Variants in ERCC5 observed in about 807,000 individuals in gnomAD.
ERCC5 encodes DNA excision repair protein ERCC-5.
ERCC5 carries 68 observed loss-of-function variants against 105.6 expected under a neutral mutation model. The ratio of observed to expected loss-of-function variants is 0.64; its 90% CI spans 0.53 to 0.79. ERCC5 has a LOEUF of 0.79. ERCC5 is among the 30% of genes least tolerant of loss of function. ERCC5 has a pLI of 0.00. For missense variants in ERCC5, 1,373 were observed against 1,426.7 expected (o/e 0.96, Z 0.61); for synonymous variants, 546 against 526.2 (o/e 1.04, Z -0.51).
In ERCC5 at chr13:102,853,722, C is replaced by G. The variant is rs368957207; in HGVS notation, c.265-35C>G. The G allele has an allele frequency of 3.1e-6, 5 of 1,596,970 alleles. No individual in the cohort carries two copies. The African/African-American group carries it at 6.7e-5, about 21-fold the overall frequency. ...AGCAATGTTTCTAGTGGTCTAATATCCTGAAGTGAGATCTTACATCCTTTC... is the reference window on the plus strand; with the variant it reads ...AGCAATGTTTCTAGTGGTCTAATATGCTGAAGTGAGATCTTACATCCTTTC... On this transcript the variant is annotated intron_variant, in intron 2 of 14. Transcript: ENST00000652225.
chr13:102,863,875 G>A (rs777821214), intron 8 of ERCC5, among the ~76,000 whole-genome samples: 7 of 152,112 alleles, frequency 4.6e-5, no homozygotes, highest in Admixed American at 1.3e-4. Context: ...ACCTGTTAGC[G>A]TGGCAGCTTC....
Position 102,865,337 on chromosome 13 carries a change from A to T in ERCC5, c.1955-330A>T. On this transcript the variant is annotated intron_variant, in intron 8 of 14. Coordinates refer to ENST00000652225, the MANE Select transcript of ERCC5 (RefSeq NM_000123.4). The surrounding 1 kb of genome is among the most constrained non-coding windows in gnomAD (Gnocchi z 4.0). ...GAGCAACTTCCATGATTGTTTATAT[A>T]CTTTGATAATCCTCCTTTTTGAATT... The T allele has an allele frequency of 2.8e-6, 1 of 353,480 alleles. No individual in the cohort carries two copies. Among genetic ancestry groups the T allele is most frequent in the Non-Finnish European group, 5.5e-6 (1 of 183,440 alleles). 21.9% of individuals were successfully genotyped at this position (353,480 alleles called of 1,614,324 possible).
chr13:102,848,475 G>A (rs768502), intron 1 of ERCC5, among the ~76,000 whole-genome samples: 3 of 152,134 alleles, frequency 2.0e-5, no homozygotes, highest in African/African-American at 7.2e-5. Flanking sequence ...GTCTCTTATA[G>A]ATTTTAATGT....
In ERCC5 at chr13:102,862,721, G is replaced by A. The variant is rs776326992; in HGVS notation, c.1572G>A (p.Pro524=). 1.5e-5 allele frequency: 24 copies of A among 1,614,068 alleles called. No individual in the cohort carries two copies. The highest frequency in any genetic ancestry group is 4.5e-5 in the East Asian group (2 of 44,890). ...PGLPNGRELT[P]ASPTCTNSVS... Reference sequence around the variant, plus strand: ...TCCCGAATGGAAGGGAACTGACACCGGCATCTCCAACTTGTACAAATTCTG... The same window carrying A: ...TCCCGAATGGAAGGGAACTGACACCAGCATCTCCAACTTGTACAAATTCTG... The change falls in exon 8 of 15, where the codon CCG becomes CCA. Residue 524 remains proline (P), a synonymous_variant. Coordinates refer to ENST00000652225, the MANE Select transcript of ERCC5 (RefSeq NM_000123.4).
Position 102,861,593 on chromosome 13 carries a change from A to G in ERCC5, c.759A>G (p.Glu253=). The change falls in exon 7 of 15, where the codon GAA becomes GAG. Residue 253 remains glutamate, a synonymous_variant. Coordinates refer to ENST00000652225, the MANE Select transcript of ERCC5 (RefSeq NM_000123.4). The part of the protein sequence containing the change: ...LNQHIEHVQK[E]MNQQHSGHIR... ...AGCATATAGAACATGTCCAAAAGGA[A>G]ATGAATCAGCAACATTCAGGACACA... is the stretch of plus-strand genomic sequence containing the variant. 6.2e-7 allele frequency: 1 copy of G among 1,614,202 alleles called. No homozygotes were observed.
chr13:102,856,294 C>T (rs1010050216), intron 5 of ERCC5, among the ~76,000 whole-genome samples, 182 bp downstream of exon 5: 3 of 76,014 alleles, frequency 3.9e-5, no homozygotes, highest in South Asian at 3.7e-4. Flanking sequence ...CACCTACACA[C>T]GTGTATATAT....
At chr13:102,860,546 G>A (rs775411905) in intron 6 of ERCC5, among the ~76,000 whole-genome samples, 2 of 152,116 alleles carry the variant, frequency 1.3e-5, no homozygotes, top group African/African-American at 4.8e-5. Context: ...CAAGGATGAG[G>A]GGGCTGTCTA....
At chr13:102,868,848 AT>A (rs1566471786) in intron 12 of ERCC5, among the ~76,000 whole-genome samples, 4 of 152,218 alleles carry the variant, frequency 2.6e-5, no homozygotes, top group Non-Finnish European at 2.9e-5. Context: ...TACATTTATC[AT>A]TTTGAAGATT....
intron 1 of ERCC5, among the ~76,000 whole-genome samples, chr13:102,849,994 T>G (rs757547876): frequency 6.6e-6 from 1 of 151,894 alleles, no homozygotes; most frequent in Non-Finnish European, 1.5e-5. Context: ...CAGGCTCGAG[T>G]GCAGTGGCGT....
Position 102,862,709 on chromosome 13 carries a change from G to A in ERCC5, c.1560G>A (p.Arg520=), listed in dbSNP as rs138854399. Residue 520 remains arginine, a synonymous_variant, in exon 8 of 15, where the codon AGG becomes AGA. Transcript: ENST00000652225. ...ACGCACCTGGGCTCCCGAATGGAAGGGAACTGACACCGGCATCTCCAACTT... is the reference window on the plus strand; with the variant it reads ...ACGCACCTGGGCTCCCGAATGGAAGAGAACTGACACCGGCATCTCCAACTT... ...HSDAPGLPNG[R]ELTPASPTCT... 6.2e-7 allele frequency: 1 copy of A among 1,614,182 alleles called. No individual in the cohort carries two copies. The highest frequency in any genetic ancestry group is 1.1e-5 in the South Asian group (1 of 91,088).
chr13:102,859,947 A>C (rs1258140906), intron 6 of ERCC5, among the ~76,000 whole-genome samples: 7 of 152,210 alleles, frequency 4.6e-5, no homozygotes, highest in African/African-American at 1.7e-4. Flanking sequence ...TTTAAGTTGC[A>C]CACCATTCTG....
chr13:102,851,528 C>T lies in ERCC5; in HGVS notation c.89-590C>T, dbSNP rs536713862. On this transcript the variant is annotated intron_variant, in intron 1 of 14. Coordinates refer to ENST00000652225, the MANE Select transcript of ERCC5 (RefSeq NM_000123.4). The stretch of plus-strand genomic sequence containing the variant: ...CAGGATGGTCTCGATCTCTTGATCT[C>T]GTGATCCACCTGCCTCGGCCTCCCA... Among the ~76,000 whole-genome samples, 147 of 152,214 alleles carry T rather than the reference C, an allele frequency of 9.7e-4. 1 individual carries two copies. Among genetic ancestry groups the T allele is most frequent in the Non-Finnish European group, 2.1e-4 (14 of 68,020 alleles).
rs183648936 is a variant in ERCC5 at position 102,851,319 on chromosome 13, G to A, written c.89-799G>A. 3.8e-3 allele frequency among the ~76,000 whole-genome samples: 583 copies of A among 151,964 alleles called. 5 individuals are homozygous for A. The highest frequency in any genetic ancestry group is 0.013 in the African/African-American group (534 of 41,426). ...ATAATTAGTTTTTCTTTTTTGAGAC[G>A]GAGTCTTGCTCTGTCACCAGGCTGG... On this transcript the variant is annotated intron_variant, in intron 1 of 14. Transcript: ENST00000652225.
At chr13:102,861,016 C>T (rs1882599836) in intron 6 of ERCC5, among the ~76,000 whole-genome samples, 1 of 131,206 alleles carries the variant, frequency 7.6e-6, no homozygotes, top group South Asian at 2.4e-4. Context: ...GAGGGGAAGT[C>T]TCGCTCTTGT....
At chr13:102,867,493 G>A (rs1882880766) in intron 11 of ERCC5, among the ~76,000 whole-genome samples, 1 of 152,202 alleles carries the variant, frequency 6.6e-6, no homozygotes, top group South Asian at 2.1e-4. Context: ...GGACTAGTGA[G>A]TGAAAGGGGC....
intron 12 of ERCC5, among the ~76,000 whole-genome samples, chr13:102,870,861 C>G (rs1357483144): frequency 1.3e-5 from 2 of 152,078 alleles, no homozygotes; most frequent in Non-Finnish European, 2.9e-5. Flanking sequence ...GAGCTGCGGG[C>G]GTTTTTTCAG....
intron 5 of ERCC5, among the ~76,000 whole-genome samples, chr13:102,857,352 C>T (rs1020019138): frequency 6.6e-6 from 1 of 152,164 alleles, no homozygotes. Flanking sequence ...TTAAATTCTC[C>T]AAGGCTTTAT....
At chr13:102,874,905 C>T (rs1282902733) in intron 14 of ERCC5, 1 of 186,738 alleles carries the variant, frequency 5.4e-6, no homozygotes, top group African/African-American at 2.4e-5. Context: ...GAACTTGCCT[C>T]TCAAAGGTAT....
intron 13 of ERCC5, 61 bp downstream of exon 13, chr13:102,872,459 C>T (rs1883066915): frequency 6.3e-7 from 1 of 1,587,532 alleles, no homozygotes; most frequent in African/African-American, 1.3e-5. Context: ...TGGTTTAAAA[C>T]TTATGGAAGA....
Sources: allele counts gnomAD v4.1 joint callset (sites outside exome capture counted in the v4.1 genomes callset), GRCh38; gene constraint gnomAD v4.1.1; non-coding constraint Gnocchi (gnomAD v3.1); transcripts MANE v1.5; gene names NCBI Gene and HGNC (gene_info 2026-07-23, HGNC 2026-07-21).